MYCBP2: variants seen among roughly 807,000 people sequenced by gnomAD.
The protein encoded by MYCBP2 is E3 ubiquitin-protein ligase MYCBP2.
Under a neutral mutation model 525.3 loss-of-function variants are expected in MYCBP2, and 120 were observed. The ratio of observed to expected loss-of-function variants is 0.23; its 90% CI spans 0.20 to 0.27. The LOEUF (loss-of-function observed/expected upper bound fraction) is 0.27, where lower values mean the gene tolerates loss of function less well. MYCBP2 is among the 10% of genes least tolerant of loss of function. MYCBP2 has a pLI of 1.00. For missense variants in MYCBP2, 4,149 were observed against 5,657.1 expected, an observed-to-expected ratio of 0.73 and a Z score of 8.55; for synonymous variants, 1,894 against 1,955.8, an observed-to-expected ratio of 0.97 and a Z score of 0.83.
intron 82 of MYCBP2, among the ~76,000 whole-genome samples, chr13:77,045,800 A>C (rs2035446867): frequency 6.6e-6 from 1 of 152,232 alleles, no homozygotes; most frequent in Non-Finnish European, 1.5e-5. Context: ...TATCATTTTA[A>C]AACAGAGTAA....
intron 18 of MYCBP2, among the ~76,000 whole-genome samples, chr13:77,228,088 A>G: frequency 6.6e-6 from 1 of 152,066 alleles, no homozygotes; most frequent in Non-Finnish European, 1.5e-5. Flanking sequence ...ATTTGATATC[A>G]AAAAATTGAG....
At chr13:77,068,939 C>T in intron 69 of MYCBP2, 108 bp from the exon 70 acceptor site, 2 of 1,036,674 alleles carry the variant, frequency 1.9e-6, no homozygotes, top group Admixed American at 4.3e-5. Flanking sequence ...AATTGATACT[C>T]AATTTAATAC....
intron 52 of MYCBP2, among the ~76,000 whole-genome samples, chr13:77,135,264 T>G (rs2053562697): frequency 6.6e-6 from 1 of 152,236 alleles, no homozygotes; most frequent in Non-Finnish European, 1.5e-5. Flanking sequence ...TTGAGTCATG[T>G]TTTACAATTA....
At chr13:77,249,273 A>G (rs2070689757) in intron 15 of MYCBP2, among the ~76,000 whole-genome samples, 1 of 152,196 alleles carries the variant, frequency 6.6e-6, no homozygotes, top group Non-Finnish European at 1.5e-5. Context: ...TCAATTTTAT[A>G]TGTACTTTAT....
chr13:77,291,073 T>A (rs981015771), intron 2 of MYCBP2, among the ~76,000 whole-genome samples: 7 of 152,172 alleles, frequency 4.6e-5, no homozygotes, highest in Non-Finnish European at 1.0e-4. Context: ...TCAATATCAT[T>A]AAAATGGCAA....
At chr13:77,261,453 A>G (rs76400406) in intron 11 of MYCBP2, 78 bp from the exon 12 acceptor site, 38,570 of 1,011,348 alleles carry the variant, frequency 0.038, 874 homozygotes, top group East Asian at 0.066. Flanking sequence ...AAAAAAAAGG[A>G]CATCAATATT....
intron 54 of MYCBP2, among the ~76,000 whole-genome samples, chr13:77,123,064 G>A (rs952047346): frequency 6.6e-6 from 1 of 152,162 alleles, no homozygotes; most frequent in Admixed American, 6.5e-5. Context: ...AAGACCAATA[G>A]AGAATTTTTA....
Position 77,058,382 on chromosome 13 carries a change from T to G in MYCBP2, c.13165A>C (p.Lys4389Gln). The change falls in exon 78 of 83, where the codon AAG (lysine) becomes CAG (glutamine). Residue 4389 changes from lysine (K) to glutamine (Q), a missense_variant. Around this residue, in one of 21 missense-constraint regions of MYCBP2, gnomAD observed 220 missense variants for 396.0 expected, o/e 0.56. Transcript: ENST00000544440. The surrounding 1 kb of genome is among the most constrained non-coding windows in gnomAD (Gnocchi z 4.1). ...CATGGATGGCCACAAGGATGCGTCT[T>G]ACTACAGGCTATCTTAGCGTATTCC... ...CQEYAKIACS[K>Q]THPCGHPCGG... The G allele has an allele frequency of 6.2e-7, 1 of 1,612,820 alleles. No homozygotes were observed. The highest frequency in any genetic ancestry group is 8.5e-7 in the Non-Finnish European group (1 of 1,179,280).
chr13:77,274,368 C>A (rs549472612), intron 4 of MYCBP2, among the ~76,000 whole-genome samples: 1 of 152,280 alleles, frequency 6.6e-6, no homozygotes, highest in South Asian at 2.1e-4. Context: ...AATCAACAGA[C>A]ATCTGGGTAT....
chr13:77,269,629 TA>T (rs531828422), intron 7 of MYCBP2, among the ~76,000 whole-genome samples: 95 of 147,530 alleles, frequency 6.4e-4, no homozygotes, highest in Admixed American at 2.9e-3. Flanking sequence ...CTGTCTCAAT[TA>T]AAAAAAAAAA....
intron 26 of MYCBP2, among the ~76,000 whole-genome samples, chr13:77,199,189 A>G (rs2062130014): frequency 6.6e-6 from 1 of 152,196 alleles, no homozygotes; most frequent in Non-Finnish European, 1.5e-5. Flanking sequence ...TGTGCGCACC[A>G]TGCGCGAGCT....
rs369092962 is a variant in MYCBP2 at position 77,169,596 on chromosome 13, T to C, written c.5895+18A>G. 35 of 1,578,632 alleles carry C rather than the reference T, an allele frequency of 2.2e-5. No homozygotes were observed. Among genetic ancestry groups the C allele is most frequent in the African/African-American group, 5.4e-5 (4 of 73,976 alleles). ...TATTTAAAAAAAACATTCAAAGTTA[T>C]AGAATTAAATTACACACCTTGGGAA... is the stretch of plus-strand genomic sequence containing the variant. On this transcript the variant is annotated intron_variant, in intron 39 of 82. Transcript: ENST00000544440.
chr13:77,214,015 AG>A (rs78609216), intron 21 of MYCBP2, among the ~76,000 whole-genome samples: 5,966 of 152,352 alleles, frequency 0.039, 163 homozygotes, highest in Non-Finnish European at 0.059. Flanking sequence ...GAAAAAGCAC[AG>A]GGAAACACAT....
At chr13:77,052,993 C>A (rs971263349) in intron 80 of MYCBP2, among the ~76,000 whole-genome samples, 4 of 151,926 alleles carry the variant, frequency 2.6e-5, no homozygotes, top group African/African-American at 9.7e-5. Context: ...CAGAAATTAG[C>A]CAGGCGTGGT....
chr13:77,246,539 AAGGAGG>A (rs199969684), intron 15 of MYCBP2, among the ~76,000 whole-genome samples: 96 of 149,914 alleles, frequency 6.4e-4, no homozygotes, highest in African/African-American at 2.1e-3. Context: ...AAAGAAGGAG[AAGGAGG>A]AGGAGGAGGA....
chr13:77,106,535 T>C (rs2047877203), intron 55 of MYCBP2, among the ~76,000 whole-genome samples: 1 of 151,978 alleles, frequency 6.6e-6, no homozygotes, highest in Admixed American at 6.6e-5. Context: ...ATAATACAGA[T>C]AAAAAAAATT....
chr13:77,211,732 T>C (rs1284768200), intron 22 of MYCBP2, among the ~76,000 whole-genome samples: 1 of 152,260 alleles, frequency 6.6e-6, no homozygotes, highest in African/African-American at 2.4e-5. Flanking sequence ...GTTCTACCAC[T>C]GTCTAGCTCA....
At chr13:77,085,722 A>AG (rs2044135783) in intron 62 of MYCBP2, among the ~76,000 whole-genome samples, 1 of 152,144 alleles carries the variant, frequency 6.6e-6, no homozygotes, top group Non-Finnish European at 1.5e-5. Context: ...TGGCATCTGA[A>AG]CAAACCTAGG....
intron 63 of MYCBP2, 84 bp downstream of exon 63, chr13:77,082,948 G>C (rs954080516): frequency 7.4e-6 from 10 of 1,345,900 alleles, no homozygotes; most frequent in Non-Finnish European, 1.0e-5. Context: ...TATTTAAAGA[G>C]CTTTTTTTGG....
Sources: gnomAD v4.1 joint callset for allele counts (sites outside exome capture counted in the v4.1 genomes callset) on GRCh38, gnomAD v4.1.1 for gene constraint, gnomAD v4.1.1 regional missense constraint, Gnocchi (gnomAD v3.1) non-coding constraint, MANE v1.5 for transcripts, NCBI Gene and HGNC (gene_info 2026-07-23, HGNC 2026-07-21) for gene names.